NRG3: variants seen among roughly 807,000 people sequenced by gnomAD.
NRG3 encodes pro-neuregulin-3, membrane-bound isoform.
In NRG3, 31 loss-of-function variants were observed where a neutral mutation model predicts 66.9. That is an observed-to-expected ratio of 0.46 (90% CI 0.35 to 0.63). The LOEUF is 0.63. NRG3 is among the 20% of genes least tolerant of loss of function. The pLI, the probability that NRG3 is intolerant of heterozygous loss-of-function variation, is 0.00. For missense variants in NRG3, 910 were observed against 878.9 expected, an observed-to-expected ratio of 1.04 and a Z score of -0.45; for synonymous variants, 393 against 359.4, an observed-to-expected ratio of 1.09 and a Z score of -1.06.
intron 8 of NRG3, 80 bp downstream of exon 8, chr10:82,979,200 G>T: frequency 7.1e-7 from 1 of 1,406,988 alleles, no homozygotes; most frequent in Non-Finnish European, 9.8e-7. Context: ...AGTTCCTTGG[G>T]GTTTTATTCA....
intron 2 of NRG3, among the ~76,000 whole-genome samples, chr10:82,509,232 CTTATT>C: frequency 6.6e-6 from 1 of 152,108 alleles, no homozygotes; most frequent in South Asian, 2.1e-4. Flanking sequence ...ACAGACTTTT[CTTATT>C]TTATTTTAAG....
rs75472188 is a variant in NRG3 at position 82,064,790 on chromosome 10, T to G, written c.823+188627T>G. ...TCCCCTTTAGCTGAACATTGTCCTCTCCTGAAAGTTTGCTGAATAGTGAAT... is the reference window on the plus strand; with the variant it reads ...TCCCCTTTAGCTGAACATTGTCCTCGCCTGAAAGTTTGCTGAATAGTGAAT... On this transcript the variant is annotated intron_variant, in intron 1 of 8. Coordinates refer to ENST00000372141, the MANE Select transcript of NRG3 (RefSeq NM_001010848.4). Among the ~76,000 whole-genome samples, 226 of 152,296 alleles carry G rather than the reference T, an allele frequency of 1.5e-3. 1 individual carries two copies. Among genetic ancestry groups the G allele is most frequent in the Admixed American group, 3.7e-3 (56 of 15,298 alleles).
chr10:81,999,297 A>C (rs6584455), intron 1 of NRG3, among the ~76,000 whole-genome samples: 62,823 of 151,962 alleles, frequency 0.41, 14,369 homozygotes, highest in East Asian at 0.77. Flanking sequence ...AAATTGAAGA[A>C]AACGATAAAA....
At chr10:82,865,570 CTT>C in intron 4 of NRG3, 133 bp downstream of exon 4, 2 of 840,980 alleles carry the variant, frequency 2.4e-6, no homozygotes, top group Non-Finnish European at 3.6e-6. Flanking sequence ...AAAAAATACT[CTT>C]GTCGAGTTTT....
chr10:82,373,657 C>T (rs977193391), intron 2 of NRG3, among the ~76,000 whole-genome samples: 12 of 152,174 alleles, frequency 7.9e-5, no homozygotes, highest in African/African-American at 2.9e-4. Context: ...GGTTGGAAAG[C>T]ATTGGCAGAA....
intron 4 of NRG3, among the ~76,000 whole-genome samples, chr10:82,949,212 C>G (rs1224908364): frequency 6.6e-6 from 1 of 151,880 alleles, no homozygotes; most frequent in Non-Finnish European, 1.5e-5. Flanking sequence ...ACCAACCTTG[C>G]ATTTTTGTGT....
At chr10:82,392,123 G>A (rs1043136976) in intron 2 of NRG3, among the ~76,000 whole-genome samples, 2 of 151,140 alleles carry the variant, frequency 1.3e-5, no homozygotes, top group Non-Finnish European at 2.9e-5. Context: ...CCCATCTACT[G>A]TTATCACACT....
At chr10:82,241,217 C>A (rs539922864) in intron 1 of NRG3, among the ~76,000 whole-genome samples, 27 of 151,986 alleles carry the variant, frequency 1.8e-4, no homozygotes, top group Admixed American at 3.9e-4. Context: ...TAAAAATATC[C>A]CTAAAAGATA....
At chr10:82,543,217 A>C (rs976315852) in intron 2 of NRG3, among the ~76,000 whole-genome samples, 1 of 152,080 alleles carries the variant, frequency 6.6e-6, no homozygotes, top group Non-Finnish European at 1.5e-5. Flanking sequence ...TATAAAGCTG[A>C]TTATTGGGAT....
intron 2 of NRG3, among the ~76,000 whole-genome samples, chr10:82,538,027 G>A (rs1268261939): frequency 6.6e-6 from 1 of 152,140 alleles, no homozygotes; most frequent in Non-Finnish European, 1.5e-5. Context: ...AGGAATTTAT[G>A]AGGAAAGAAT....
chr10:82,090,150 A>G (rs1472178986), intron 1 of NRG3, among the ~76,000 whole-genome samples: 1 of 152,222 alleles, frequency 6.6e-6, no homozygotes, highest in Non-Finnish European at 1.5e-5. Context: ...TACCATGCAG[A>G]TTGCTATTAA....
intron 2 of NRG3, among the ~76,000 whole-genome samples, chr10:82,419,327 G>A (rs12240429): frequency 6.6e-6 from 1 of 151,916 alleles, no homozygotes; most frequent in Admixed American, 6.6e-5. Context: ...TAAACATTCC[G>A]GAAATAACTA....
At chr10:82,866,722 T>C (rs1219000735) in intron 4 of NRG3, among the ~76,000 whole-genome samples, 1 of 152,154 alleles carries the variant, frequency 6.6e-6, no homozygotes, top group African/African-American at 2.4e-5. Flanking sequence ...GTAGTCATCA[T>C]GAGAGCGCTT....
intron 2 of NRG3, among the ~76,000 whole-genome samples, chr10:82,731,348 CAG>C (rs2057891644): frequency 1.6e-5 from 2 of 125,406 alleles, no homozygotes; most frequent in Admixed American, 1.9e-4. Flanking sequence ...GCCTGGGTTA[CAG>C]AGAGATACTC....
intron 3 of NRG3, among the ~76,000 whole-genome samples, chr10:82,796,478 G>A (rs2060806820): frequency 6.6e-6 from 1 of 152,026 alleles, no homozygotes; most frequent in African/African-American, 2.4e-5. Context: ...CAAATGGAAT[G>A]TCCATCCAAG....
At chr10:82,692,653 C>T (rs140089925) in intron 2 of NRG3, among the ~76,000 whole-genome samples, 2 of 152,346 alleles carry the variant, frequency 1.3e-5, no homozygotes, top group Non-Finnish European at 2.9e-5. Flanking sequence ...CCTGGTGGCT[C>T]CACCCCATTC....
At chr10:82,683,236 T>A (rs1272581267) in intron 2 of NRG3, among the ~76,000 whole-genome samples, 2 of 152,128 alleles carry the variant, frequency 1.3e-5, no homozygotes, top group Non-Finnish European at 2.9e-5. Context: ...ATTACAGGCG[T>A]GAGCCACTGT....
At chr10:82,429,133 C>T (rs958795693) in intron 2 of NRG3, among the ~76,000 whole-genome samples, 3 of 151,920 alleles carry the variant, frequency 2.0e-5, no homozygotes, top group African/African-American at 7.2e-5. Context: ...CCTCTTTGTT[C>T]TATTATTGAC....
intron 3 of NRG3, among the ~76,000 whole-genome samples, chr10:82,805,234 T>C (rs1030060107): frequency 6.6e-6 from 1 of 152,174 alleles, no homozygotes; most frequent in Non-Finnish European, 1.5e-5. Flanking sequence ...TTGTGGTAGG[T>C]AATGAGCCCT....
Sources: gnomAD v4.1 joint callset for allele counts (sites outside exome capture counted in the v4.1 genomes callset) on GRCh38, gnomAD v4.1.1 for gene constraint, MANE v1.5 for transcripts, NCBI Gene and HGNC (gene_info 2026-07-23, HGNC 2026-07-21) for gene names.